The following MERTK variants were observed in gnomAD, a reference collection of about 807,000 sequenced individuals.
MERTK encodes the protein tyrosine-protein kinase Mer.
In MERTK, 69 loss-of-function variants were observed where a neutral mutation model predicts 99.3. The observed-to-expected ratio is 0.70, with a 90% CI of 0.57 to 0.85. The LOEUF is 0.85. Ranked by LOEUF, MERTK falls within the 40% of genes least tolerant of loss-of-function variation. The pLI, the probability that MERTK is intolerant of heterozygous loss-of-function variation, is 0.00. For missense variants in MERTK, 1,125 were observed against 1,249.4 expected (o/e 0.90, Z 1.50); for synonymous variants, 426 against 467.6 (o/e 0.91, Z 1.15).
chr2:112,022,164 T>C lies in MERTK; in HGVS notation c.2350-94T>C, dbSNP rs182203614. 5.2e-6 allele frequency: 8 copies of C among 1,550,384 alleles called. No homozygotes were observed. In the East Asian group the frequency reaches 1.6e-4, roughly 31 times the overall value. On this transcript the variant is annotated intron_variant, in intron 17 of 18. Coordinates refer to ENST00000295408, the MANE Select transcript of MERTK (RefSeq NM_006343.3). ...TAATTGCCAGCTTTGTGCATGATCA[T>C]CAGTGTTTAAGGAAATGACCTTTCC...
chr2:111,987,242 G>A (rs764494694), intron 8 of MERTK, among the ~76,000 whole-genome samples: 2 of 152,070 alleles, frequency 1.3e-5, no homozygotes, highest in South Asian at 4.1e-4. Context: ...TTGGCTTATC[G>A]CAGCTACACA....
At chr2:111,918,544 T>C (rs1684396725) in intron 1 of MERTK, among the ~76,000 whole-genome samples, 1 of 152,234 alleles carries the variant, frequency 6.6e-6, no homozygotes, top group African/African-American at 2.4e-5. Flanking sequence ...AGAGCCTTTC[T>C]GTGACAATTG....
intron 4 of MERTK, among the ~76,000 whole-genome samples, chr2:111,960,800 T>C (rs1248636554): frequency 6.6e-6 from 1 of 151,892 alleles, no homozygotes; most frequent in Non-Finnish European, 1.5e-5. Context: ...TGGGTGTTGG[T>C]GTCAAGATAT....
chr2:111,940,595 C>G (rs772758081), intron 2 of MERTK: 42 of 650,702 alleles, frequency 6.5e-5, no homozygotes, highest in Non-Finnish European at 1.2e-4. Context: ...ACCAGGCAAT[C>G]ATCATGACAT....
chr2:111,977,726 ATC>A (rs1676282728), intron 7 of MERTK, among the ~76,000 whole-genome samples: 1 of 151,878 alleles, frequency 6.6e-6, no homozygotes, highest in Non-Finnish European at 1.5e-5. Flanking sequence ...CTCACTGATG[ATC>A]TGTTATTATT....
chr2:111,903,378 C>G (rs1201404312), intron 1 of MERTK, among the ~76,000 whole-genome samples: 2 of 152,206 alleles, frequency 1.3e-5, no homozygotes, highest in African/African-American at 2.4e-5. Context: ...AATGTGATTT[C>G]ATTGCTGGAG....
chr2:111,898,775 C>T lies in MERTK; in HGVS notation c.40C>T (p.Leu14Phe), dbSNP rs777333807. The T allele has an allele frequency of 6.9e-6, 11 of 1,599,992 alleles. No homozygotes were observed. Among genetic ancestry groups the T allele is most frequent in the Non-Finnish European group, 7.7e-6 (9 of 1,174,148 alleles). ...APLPLLLGLF[L>F]PALWRRAITE... ...GCTGCCGCTGCTGCTGGGCCTCTTCCTCCCCGCGCTCTGGCGTAGAGGTGA... is the reference window on the plus strand; with the variant it reads ...GCTGCCGCTGCTGCTGGGCCTCTTCTTCCCCGCGCTCTGGCGTAGAGGTGA... Residue 14 changes from leucine to phenylalanine, a missense_variant, in exon 1 of 19, where the codon CTC becomes TTC. Coordinates refer to ENST00000295408, the MANE Select transcript of MERTK (RefSeq NM_006343.3).
At chr2:111,929,996 G>A (rs770525401) in intron 2 of MERTK, among the ~76,000 whole-genome samples, 2 of 152,198 alleles carry the variant, frequency 1.3e-5, no homozygotes, top group Non-Finnish European at 2.9e-5. Flanking sequence ...CCTTTAGAGA[G>A]TTGAAGGATA....
At chr2:112,017,806 A>C (rs1677249066) in intron 15 of MERTK, among the ~76,000 whole-genome samples, 1 of 152,200 alleles carries the variant, frequency 6.6e-6, no homozygotes, top group Non-Finnish European at 1.5e-5. Flanking sequence ...ACAGCAAAGC[A>C]ATGGAAGGAT....
chr2:111,960,425 G>GAGCC (rs1346207409), intron 4 of MERTK, among the ~76,000 whole-genome samples: 1 of 145,896 alleles, frequency 6.9e-6, no homozygotes, highest in Non-Finnish European at 1.5e-5. Context: ...AGGTTGCAGT[G>GAGCC]AGCCAAGATC....
intron 14 of MERTK, chr2:112,008,753 T>C: frequency 1.9e-6 from 1 of 516,564 alleles, no homozygotes; most frequent in Non-Finnish European, 3.5e-6. Flanking sequence ...CCTCAGTTAC[T>C]CAAAGGCAAG....
At position 111,983,089 on chromosome 2, in the gene MERTK, C is replaced by G. The variant is rs188193583; in HGVS notation, c.1296+96C>G. On this transcript the variant is annotated intron_variant, in intron 8 of 18. Coordinates refer to ENST00000295408, the MANE Select transcript of MERTK (RefSeq NM_006343.3). Reference sequence around the variant, plus strand: ...AGCTTTCATTTGGTTTTGAAAAGACCTGGTGTGATTGAGTTAGGCAAGGCA... The same window carrying G: ...AGCTTTCATTTGGTTTTGAAAAGACGTGGTGTGATTGAGTTAGGCAAGGCA... 3 of 1,465,946 alleles carry G rather than the reference C, an allele frequency of 2.0e-6. No homozygotes were observed. In the Admixed American group the frequency reaches 5.3e-5, roughly 26 times the overall value. The allele number at this position is 1,465,946 out of a possible 1,614,324, so 90.8% of individuals were successfully genotyped here.
chr2:111,970,687 T>G (rs1197596197), intron 6 of MERTK, among the ~76,000 whole-genome samples: 3 of 147,850 alleles, frequency 2.0e-5, no homozygotes, highest in Admixed American at 2.0e-4. Context: ...CTCCTCCTCC[T>G]CCCTCCTCCT....
chr2:112,012,456 G>A (rs1225714141), intron 15 of MERTK, among the ~76,000 whole-genome samples: 1 of 152,056 alleles, frequency 6.6e-6, no homozygotes, highest in African/African-American at 2.4e-5. Context: ...CTGGATGCAG[G>A]GTGCCTTTCA....
chr2:111,947,838 G>A (rs1046254162), intron 4 of MERTK, among the ~76,000 whole-genome samples: 3 of 152,168 alleles, frequency 2.0e-5, no homozygotes, highest in African/African-American at 7.2e-5. Flanking sequence ...CCAGGCAGCA[G>A]GAGCCCTGCT....
chr2:111,983,892 T>C (rs1676421364), intron 8 of MERTK, among the ~76,000 whole-genome samples: 1 of 152,254 alleles, frequency 6.6e-6, no homozygotes, highest in Admixed American at 6.5e-5. Flanking sequence ...TGTGGCAGAC[T>C]GCCTCTCCCA....
chr2:112,021,725 A>G (rs1005599086), intron 17 of MERTK, 144 bp downstream of exon 17: 1 of 730,302 alleles, frequency 1.4e-6, no homozygotes, highest in Non-Finnish European at 2.4e-6. Context: ...TTTATATCTT[A>G]CCATCAGATA....
intron 14 of MERTK, among the ~76,000 whole-genome samples, chr2:112,009,441 A>G (rs180775601): frequency 7.2e-5 from 11 of 152,324 alleles, no homozygotes; most frequent in East Asian, 1.9e-4. Context: ...AATTTTACCT[A>G]TAGCCCTTCA....
At chr2:111,903,627 A>G (rs1684084944) in intron 1 of MERTK, among the ~76,000 whole-genome samples, 1 of 152,204 alleles carries the variant, frequency 6.6e-6, no homozygotes, top group African/African-American at 2.4e-5. Context: ...GTTTCTCAGC[A>G]GGAGATTAAT....
Sources: allele counts gnomAD v4.1 joint callset (sites outside exome capture counted in the v4.1 genomes callset), GRCh38; gene constraint gnomAD v4.1.1; transcripts MANE v1.5; gene names NCBI Gene and HGNC (gene_info 2026-07-23, HGNC 2026-07-21).